The following PHACTR3 variants were observed in gnomAD, a reference collection of about 807,000 sequenced individuals.
The protein encoded by PHACTR3 is protein phosphatase 1, regulatory subunit 123.
PHACTR3 carries 16 observed loss-of-function variants against 66.8 expected under a neutral mutation model. The ratio of observed to expected loss-of-function variants is 0.24; its 90% CI spans 0.16 to 0.36. The LOEUF (loss-of-function observed/expected upper bound fraction) is 0.36, where lower values mean the gene tolerates loss of function less well. Ranked by LOEUF, PHACTR3 falls within the 10% of genes least tolerant of loss-of-function variation. The pLI is 1.00. For synonymous variants in PHACTR3, 323 were observed against 292.1 expected, an observed-to-expected ratio of 1.11 and a Z score of -1.08; for missense variants, 647 against 719.9, an observed-to-expected ratio of 0.90 and a Z score of 1.16.
At chr20:59,687,116 C>T (rs1039429696) in intron 1 of PHACTR3, among the ~76,000 whole-genome samples, 22 of 128,408 alleles carry the variant, frequency 1.7e-4, no homozygotes, top group African/African-American at 6.1e-4. Context: ...GTGGTGGTGA[C>T]GGTGATAATG....
Position 59,783,353 on chromosome 20 carries a change from G to A in PHACTR3, c.1174+8863G>A, listed in dbSNP as rs1345885617. ...TCTGGCCCAGGGTGGTTCTGGCTGA[G>A]CACCAAGCAGCAGAGCTCTCAGAGT... On this transcript the variant is annotated intron_variant, in intron 7 of 12. Coordinates refer to ENST00000371015, the MANE Select transcript of PHACTR3 (RefSeq NM_080672.5). Among the ~76,000 whole-genome samples, 5 of 152,310 alleles carry A rather than the reference G, an allele frequency of 3.3e-5. No individual in the cohort carries two copies. The East Asian group carries it at 7.7e-4, about 24-fold the overall frequency.
At chr20:59,598,556 C>G (rs1208168190) in intron 1 of PHACTR3, among the ~76,000 whole-genome samples, 3 of 152,174 alleles carry the variant, frequency 2.0e-5, no homozygotes, top group Non-Finnish European at 4.4e-5. Context: ...CAGGGCGACT[C>G]TAGCTACCAG....
intron 1 of PHACTR3, among the ~76,000 whole-genome samples, chr20:59,735,469 C>T (rs79857899): frequency 0.012 from 1,797 of 152,214 alleles, 43 homozygotes; most frequent in African/African-American, 0.041. Context: ...CCTCACTCCC[C>T]CAGAGATATG....
intron 8 of PHACTR3, among the ~76,000 whole-genome samples, chr20:59,833,817 G>T (rs761593688): frequency 1.3e-5 from 2 of 152,330 alleles, no homozygotes; most frequent in African/African-American, 4.8e-5. Context: ...ATGAAGATCC[G>T]TTGCAAGGGT....
In PHACTR3 at chr20:59,822,580, G is replaced by A. The variant is rs145633849; in HGVS notation, c.1329-13925G>A. On this transcript the variant is annotated intron_variant, in intron 8 of 12. Coordinates refer to ENST00000371015, the MANE Select transcript of PHACTR3 (RefSeq NM_080672.5). Reference sequence around the variant, plus strand: ...GGCTGGTGGGCGCTGGTGCACCTCAGTGCCATTGCTGATGAAGGTCTGGGT... The same window carrying A: ...GGCTGGTGGGCGCTGGTGCACCTCAATGCCATTGCTGATGAAGGTCTGGGT... Among the ~76,000 whole-genome samples the A allele has an allele frequency of 2.8e-3, 422 of 152,102 alleles. 1 individual carries two copies. The highest frequency in any genetic ancestry group is 9.8e-3 in the African/African-American group (405 of 41,518).
intron 1 of PHACTR3, among the ~76,000 whole-genome samples, chr20:59,579,216 C>T (rs974051188): frequency 2.0e-5 from 3 of 152,212 alleles, no homozygotes; most frequent in South Asian, 2.1e-4. Context: ...GCAGTAATTA[C>T]GCAACTCCTC....
chr20:59,807,367 T>G (rs1373321196), intron 8 of PHACTR3, among the ~76,000 whole-genome samples: 1 of 152,220 alleles, frequency 6.6e-6, no homozygotes. Flanking sequence ...ATCACTGTCA[T>G]CTTCCTCCTC....
rs6015584 is a variant in PHACTR3 at position 59,812,182 on chromosome 20, G to C, written c.1328+5988G>C. ...TCGTGACTGTTGTGTAATTTTGCCC[G>C]AAGAGAGAGGAATAGGGTAGGCACC... On this transcript the variant is annotated intron_variant, in intron 8 of 12. Coordinates refer to ENST00000371015, the MANE Select transcript of PHACTR3 (RefSeq NM_080672.5). Among the ~76,000 whole-genome samples, 243 of 152,280 alleles carry C rather than the reference G, an allele frequency of 1.6e-3. 2 individuals carry two copies. The highest frequency in any genetic ancestry group is 5.3e-3 in the African/African-American group (222 of 41,546).
intron 3 of PHACTR3, among the ~76,000 whole-genome samples, chr20:59,752,208 G>T (rs969767437): frequency 6.6e-6 from 1 of 152,214 alleles, no homozygotes; most frequent in Non-Finnish European, 1.5e-5. Context: ...ACACATGCAC[G>T]TGCACCTGTG....
chr20:59,590,012 A>G (rs1481038498), intron 1 of PHACTR3, among the ~76,000 whole-genome samples: 1 of 152,214 alleles, frequency 6.6e-6, no homozygotes, highest in Non-Finnish European at 1.5e-5. Flanking sequence ...TTCACCACGG[A>G]GGGCAGAGAT....
intron 1 of PHACTR3, among the ~76,000 whole-genome samples, chr20:59,721,781 T>C (rs1171999734): frequency 6.6e-6 from 1 of 152,170 alleles, no homozygotes; most frequent in Non-Finnish European, 1.5e-5. Flanking sequence ...AGTAGTTATT[T>C]GCTATCAACT....
At chr20:59,720,546 A>G (rs1196903431) in intron 1 of PHACTR3, among the ~76,000 whole-genome samples, 1 of 152,122 alleles carries the variant, frequency 6.6e-6, no homozygotes, top group East Asian at 1.9e-4. Context: ...GAGTGTGCCC[A>G]CTCAGGGCTG....
chr20:59,602,505 TA>T (rs1236536836), upstream of PHACTR3, among the ~76,000 whole-genome samples: 1 of 151,596 alleles, frequency 6.6e-6, no homozygotes, highest in Non-Finnish European at 1.5e-5. Context: ...AGAGTTGATT[TA>T]AAGACAAATC....
intron 6 of PHACTR3, 34 bp from the exon 7 acceptor site, chr20:59,774,209 G>A (rs1236524144): frequency 8.5e-6 from 13 of 1,531,168 alleles, no homozygotes; most frequent in African/African-American, 5.6e-5. Context: ...GGTGAAGGGG[G>A]TGACCTATAA....
At position 59,736,110 on chromosome 20, in the gene PHACTR3, T is replaced by A. The variant is rs1487292148; in HGVS notation, c.119-6997T>A. ...GAGCTTGTCCCTTGAGTTGCAAGCA[T>A]GTGACATCAGCAGGGGAGGGCCAGC... On this transcript the variant is annotated intron_variant, in intron 1 of 12. Transcript: ENST00000371015. This position sits in a 1 kb window ranked among gnomAD's most constrained non-coding sequence, Gnocchi z 4.6. Among the ~76,000 whole-genome samples the A allele has an allele frequency of 6.6e-6, 1 of 152,046 alleles. No homozygotes were observed. Among genetic ancestry groups the A allele is most frequent in the African/African-American group, 2.4e-5 (1 of 41,408 alleles).
intron 1 of PHACTR3, among the ~76,000 whole-genome samples, chr20:59,723,060 C>CTCTCTCTT (rs2038388891): frequency 8.4e-6 from 1 of 118,664 alleles, no homozygotes; most frequent in Non-Finnish European, 1.7e-5. Context: ...TTCTTTCTTT[C>CTCTCTCTT]TCTTTCTTTC....
chr20:59,759,885 G>A (rs2039936645), intron 4 of PHACTR3, among the ~76,000 whole-genome samples: 1 of 152,174 alleles, frequency 6.6e-6, no homozygotes, highest in Non-Finnish European at 1.5e-5. Flanking sequence ...CCTGGGACCT[G>A]CTTCTCTCCT....
chr20:59,614,363 T>C (rs2033957285), intron 1 of PHACTR3, among the ~76,000 whole-genome samples: 1 of 152,236 alleles, frequency 6.6e-6, no homozygotes, highest in South Asian at 2.1e-4. Context: ...GATTTATGTA[T>C]TGAAAGTCAG....
intron 1 of PHACTR3, among the ~76,000 whole-genome samples, chr20:59,732,622 G>A (rs1336165868): frequency 6.6e-6 from 1 of 152,148 alleles, no homozygotes; most frequent in Non-Finnish European, 1.5e-5. Flanking sequence ...GGGGCAGCCA[G>A]AAGAAGCCAT....
Sources: allele counts gnomAD v4.1 joint callset (sites outside exome capture counted in the v4.1 genomes callset), GRCh38; gene constraint gnomAD v4.1.1; non-coding constraint Gnocchi (gnomAD v3.1); transcripts MANE v1.5; gene names NCBI Gene and HGNC (gene_info 2026-07-23, HGNC 2026-07-21).